CCSER1: variants seen among roughly 807,000 people sequenced by gnomAD.
CCSER1 encodes the protein serine-rich coiled-coil domain-containing protein 1.
CCSER1 carries 41 observed loss-of-function variants against 82.0 expected under a neutral mutation model. The ratio of observed to expected loss-of-function variants is 0.50; its 90% CI spans 0.39 to 0.65. The LOEUF (loss-of-function observed/expected upper bound fraction) is 0.65. Among genes scored for constraint, CCSER1 ranks in the 30% least tolerant of loss-of-function variants. The pLI, the probability that CCSER1 is intolerant of heterozygous loss-of-function variation, is 0.00. For missense variants in CCSER1, 1,119 were observed against 1,064.2 expected (o/e 1.05, Z -0.72); for synonymous variants, 414 against 383.9 (o/e 1.08, Z -0.92).
intron 3 of CCSER1, among the ~76,000 whole-genome samples, chr4:90,381,616 C>T (rs535073345): frequency 6.6e-6 from 1 of 151,832 alleles, no homozygotes; most frequent in African/African-American, 2.4e-5. Context: ...ATGTAATGAT[C>T]CTGTTGCTGT....
At chr4:90,184,199 A>T (rs1734203546) in intron 1 of CCSER1, among the ~76,000 whole-genome samples, 1 of 152,116 alleles carries the variant, frequency 6.6e-6, no homozygotes, top group South Asian at 2.1e-4. Flanking sequence ...GTTGATTGTC[A>T]TGTTACAGAG....
At chr4:90,657,967 G>A (rs1730017537) in intron 6 of CCSER1, among the ~76,000 whole-genome samples, 3 of 152,128 alleles carry the variant, frequency 2.0e-5, no homozygotes, top group African/African-American at 4.8e-5. Context: ...GCTGGGCATG[G>A]TGGTGCATAC....
intron 10 of CCSER1, among the ~76,000 whole-genome samples, chr4:91,203,910 C>A (rs1018685764): frequency 6.6e-6 from 1 of 151,818 alleles, no homozygotes; most frequent in African/African-American, 2.4e-5. Flanking sequence ...AGTGTCTAAT[C>A]ATAGAATATA....
intron 1 of CCSER1, among the ~76,000 whole-genome samples, chr4:90,165,849 G>T (rs1197290442): frequency 6.6e-6 from 1 of 151,950 alleles, no homozygotes; most frequent in Non-Finnish European, 1.5e-5. Context: ...ATGTAATATG[G>T]AAGGTGAGAT....
At chr4:90,441,383 T>G (rs556056001) in intron 4 of CCSER1, among the ~76,000 whole-genome samples, 1 of 152,266 alleles carries the variant, frequency 6.6e-6, no homozygotes, top group Admixed American at 6.5e-5. Context: ...CATGGTCCAT[T>G]GCTGCTAAAG....
At chr4:90,395,457 T>A (rs1439922131) in intron 3 of CCSER1, among the ~76,000 whole-genome samples, 1 of 152,192 alleles carries the variant, frequency 6.6e-6, no homozygotes, top group African/African-American at 2.4e-5. Flanking sequence ...AAGTCCATTT[T>A]TTCACTTTCT....
At chr4:90,854,928 A>G (rs1764288594) in intron 8 of CCSER1, among the ~76,000 whole-genome samples, 1 of 152,156 alleles carries the variant, frequency 6.6e-6, no homozygotes, top group Non-Finnish European at 1.5e-5. Flanking sequence ...TAGGAAACTT[A>G]TAATCATGGC....
rs543262085 is a variant in CCSER1, at chr4:91,540,794, G to A, written c.2218-57778G>A. ...TCCAGTTATTCCAGCACCATTCCTT[G>A]AAAAGTCTATTTTTGGTTCACTGTA... is the stretch of plus-strand genomic sequence containing the variant. On this transcript the variant is annotated intron_variant, in intron 10 of 10. Transcript: ENST00000509176. Among the ~76,000 whole-genome samples, 7 of 152,196 alleles carry A rather than the reference G, an allele frequency of 4.6e-5. No individual in the cohort carries two copies. In the South Asian group the frequency reaches 1.4e-3, roughly 32 times the overall value.
At chr4:91,504,800 T>G (rs1173938777) in intron 10 of CCSER1, among the ~76,000 whole-genome samples, 1 of 152,162 alleles carries the variant, frequency 6.6e-6, no homozygotes, top group Non-Finnish European at 1.5e-5. Flanking sequence ...ATGCTAACAG[T>G]CAAAATAATT....
intron 10 of CCSER1, among the ~76,000 whole-genome samples, chr4:91,449,752 G>A (rs1458325823): frequency 1.3e-5 from 2 of 151,976 alleles, no homozygotes; most frequent in Non-Finnish European, 2.9e-5. Context: ...GGACTAAAAA[G>A]TGATTAAAAT....
chr4:90,535,803 A>G (rs1321514033), intron 5 of CCSER1, among the ~76,000 whole-genome samples: 1 of 152,176 alleles, frequency 6.6e-6, no homozygotes, highest in Non-Finnish European at 1.5e-5. Flanking sequence ...AAAAAAATAA[A>G]TCAATGGGAA....
chr4:90,348,575 T>C (rs1742841439), intron 3 of CCSER1, among the ~76,000 whole-genome samples: 2 of 152,162 alleles, frequency 1.3e-5, no homozygotes, highest in Admixed American at 1.3e-4. Context: ...TAATTATCAG[T>C]GGACTTTTCA....
intron 4 of CCSER1, among the ~76,000 whole-genome samples, chr4:90,419,760 G>A (rs575331544): frequency 6.6e-6 from 1 of 151,870 alleles, no homozygotes; most frequent in East Asian, 1.9e-4. Context: ...GCATTATTCT[G>A]AGATGGAGAG....
intron 6 of CCSER1, among the ~76,000 whole-genome samples, chr4:90,701,544 G>T (rs2149278202): frequency 6.6e-6 from 1 of 152,204 alleles, no homozygotes; most frequent in East Asian, 1.9e-4. Context: ...AGCTTGATGG[G>T]GATGGCATTG....
intron 10 of CCSER1, among the ~76,000 whole-genome samples, chr4:91,584,123 A>G (rs1283668949): frequency 6.6e-6 from 1 of 151,494 alleles, no homozygotes; most frequent in African/African-American, 2.4e-5. Context: ...TGTTCAACAG[A>G]TACAAGTTCA....
At chr4:90,831,326 T>C (rs1014218088) in intron 8 of CCSER1, among the ~76,000 whole-genome samples, 1 of 152,200 alleles carries the variant, frequency 6.6e-6, no homozygotes, top group Non-Finnish European at 1.5e-5. Context: ...TTTTCTATCA[T>C]TTTGCACACT....
At chr4:90,170,856 G>A (rs1731528075) in intron 1 of CCSER1, among the ~76,000 whole-genome samples, 1 of 151,822 alleles carries the variant, frequency 6.6e-6, no homozygotes, top group African/African-American at 2.4e-5. Flanking sequence ...TTGACATACT[G>A]ATTTCCTTTC....
intron 9 of CCSER1, among the ~76,000 whole-genome samples, chr4:90,943,100 A>G (rs1288068294): frequency 6.6e-6 from 1 of 152,084 alleles, no homozygotes; most frequent in South Asian, 2.1e-4. Flanking sequence ...TCATGCCTTC[A>G]TGCTCAGGCT....
At chr4:90,200,080 A>ACG (rs1029291789) in intron 1 of CCSER1, among the ~76,000 whole-genome samples, 7 of 151,644 alleles carry the variant, frequency 4.6e-5, no homozygotes, top group African/African-American at 1.5e-4. Flanking sequence ...ACACACACAC[A>ACG]CACACACACA....
Sources: gnomAD v4.1 joint callset for allele counts (sites outside exome capture counted in the v4.1 genomes callset) on GRCh38, gnomAD v4.1.1 for gene constraint, MANE v1.5 for transcripts, NCBI Gene and HGNC (gene_info 2026-07-23, HGNC 2026-07-21) for gene names.